The following TRAK1 variants were observed in gnomAD, a reference collection of about 807,000 sequenced individuals.
TRAK1 encodes the protein trafficking kinesin-binding protein 1.
TRAK1 carries 33 observed loss-of-function variants against 92.1 expected under a neutral mutation model. The ratio of observed to expected loss-of-function variants is 0.36; its 90% CI spans 0.27 to 0.48. The LOEUF is 0.48. Ranked by LOEUF, TRAK1 falls within the 20% of genes least tolerant of loss-of-function variation. The pLI, the probability that TRAK1 is intolerant of heterozygous loss-of-function variation, is 0.99. For synonymous variants in TRAK1, 521 were observed against 517.3 expected (o/e 1.01, Z -0.10); for missense variants, 1,123 against 1,257.9 (o/e 0.89, Z 1.62).
At chr3:42,111,482 G>A (rs1358754303) in intron 1 of TRAK1, among the ~76,000 whole-genome samples, 3 of 151,438 alleles carry the variant, frequency 2.0e-5, no homozygotes, top group Admixed American at 6.6e-5. Flanking sequence ...TGCAAGCTCC[G>A]CCTCCCGGGT....
chr3:42,128,141 T>G (rs531368667), intron 2 of TRAK1, among the ~76,000 whole-genome samples: 1 of 152,288 alleles, frequency 6.6e-6, no homozygotes, highest in Non-Finnish European at 1.5e-5. Context: ...ATCGTGCCAT[T>G]GTACTCCAGC....
At chr3:42,104,551 T>A (rs1307264483) in intron 1 of TRAK1, among the ~76,000 whole-genome samples, 1 of 152,222 alleles carries the variant, frequency 6.6e-6, no homozygotes, top group African/African-American at 2.4e-5. Context: ...TTTGCTATTC[T>A]GCAGCCTCCG....
At chr3:42,220,473 C>A (rs1378698761) in intron 15 of TRAK1, 17 of 985,242 alleles carry the variant, frequency 1.7e-5, no homozygotes, top group Non-Finnish European at 2.0e-5. Flanking sequence ...CAGGGAGCAC[C>A]TTAAACTATG....
chr3:42,166,289 C>T (rs1208277632), intron 2 of TRAK1, among the ~76,000 whole-genome samples: 2 of 152,008 alleles, frequency 1.3e-5, no homozygotes, highest in African/African-American at 2.4e-5. Context: ...TGGATGTAAA[C>T]GTTAAAGGAG....
In TRAK1 at chr3:42,193,882, G is replaced by A. The variant is rs1052288441; in HGVS notation, c.959G>A (p.Arg320Gln). 9 of 1,614,022 alleles carry A rather than the reference G, an allele frequency of 5.6e-6. No individual in the cohort carries two copies. Among genetic ancestry groups the A allele is most frequent in the South Asian group, 4.4e-5 (4 of 91,082 alleles). The change falls in exon 9 of 16, where the codon CGG (arginine) becomes CAG (glutamine). Residue 320 changes from arginine (R) to glutamine (Q), a missense_variant. Arg to Gln is a conservative substitution (Grantham distance 43). Transcript: ENST00000327628. ...QHLGAAKDAQ[R>Q]QLTAELRELE... ...CTGGGGGCTGCTAAGGATGCCCAGC[G>A]GCAGCTCACAGCCGAGGTGAGCACC...
intron 1 of TRAK1, among the ~76,000 whole-genome samples, chr3:42,038,803 GTTTTTTTT>G (rs35147167): frequency 4.7e-4 from 45 of 96,764 alleles, no homozygotes; most frequent in Admixed American, 7.7e-4. Flanking sequence ...AAAAAAAAAA[GTTTTTTTT>G]TTTTTTTTTT....
chr3:42,126,972 G>A (rs1030517040), intron 2 of TRAK1, among the ~76,000 whole-genome samples: 1 of 152,140 alleles, frequency 6.6e-6, no homozygotes, highest in African/African-American at 2.4e-5. Flanking sequence ...CCACACCAGG[G>A]TAGATATGAA....
chr3:42,222,483 A>G (rs1710453862), intron 15 of TRAK1, among the ~76,000 whole-genome samples: 1 of 152,148 alleles, frequency 6.6e-6, no homozygotes. Context: ...GTCCTGGTTC[A>G]CGTCTTGCTT....
intron 1 of TRAK1, among the ~76,000 whole-genome samples, chr3:42,020,386 T>C: frequency 6.6e-6 from 1 of 152,268 alleles, no homozygotes; most frequent in Non-Finnish European, 1.5e-5. Context: ...TTGGGCTTCA[T>C]GTAAATTGAG....
At position 42,079,473 on chromosome 3, in the gene TRAK1, TC is replaced by T. The variant is rs1250388852; in HGVS notation, c.-518-7630del. On this transcript the variant is annotated intron_variant, in intron 1 of 16. Coordinates refer to the TRAK1 transcript ENST00000487159. ...TGAGTTTGTCGTGAAGGAAGCTCCTTCTTCTTTTTTTTTTTTTTTTGTTTTG... is the reference window on the plus strand; with the variant it reads ...TGAGTTTGTCGTGAAGGAAGCTCCTTTTCTTTTTTTTTTTTTTTTGTTTTG... 3.1e-5 allele frequency among the ~76,000 whole-genome samples: 3 copies of T among 95,352 alleles called. No individual in the cohort carries two copies. In the Admixed American group the frequency reaches 3.7e-4, roughly 12 times the overall value. 62.6% of individuals were successfully genotyped at this position (95,352 alleles called of 152,430 possible).
chr3:42,183,553 T>TAAAA (rs11293523), intron 3 of TRAK1, among the ~76,000 whole-genome samples: 3 of 117,348 alleles, frequency 2.6e-5, no homozygotes, highest in Admixed American at 8.8e-5. Context: ...AGACTCTGTC[T>TAAAA]AAAAAAAAAA....
rs368350364 is a variant in TRAK1, at chr3:42,143,767, G to T, written c.286+18153G>T. 4.3e-4 allele frequency among the ~76,000 whole-genome samples: 65 copies of T among 152,300 alleles called. No individual in the cohort carries two copies. The South Asian group carries it at 0.013, about 30-fold the overall frequency. The stretch of plus-strand genomic sequence containing the variant: ...AGTAAACCTGGGCCGAGGGAGGGCT[G>T]TAACCCTCAGGAGTGTTGGGACTCT... On this transcript the variant is annotated intron_variant, in intron 2 of 15. Coordinates refer to ENST00000327628, the MANE Select transcript of TRAK1 (RefSeq NM_001042646.3).
intron 1 of TRAK1, among the ~76,000 whole-genome samples, chr3:42,074,316 A>G (rs996417521): frequency 9.2e-5 from 14 of 152,230 alleles, no homozygotes; most frequent in African/African-American, 3.1e-4. Context: ...TTTTACAATT[A>G]CAAGAGTGCT....
intron 10 of TRAK1, among the ~76,000 whole-genome samples, chr3:42,198,199 T>C (rs1175746234): frequency 6.6e-6 from 1 of 152,172 alleles, no homozygotes; most frequent in Non-Finnish European, 1.5e-5. Flanking sequence ...TGTGTTAGGC[T>C]CCACCTCCTA....
chr3:42,093,123 A>G (rs778865485), intron 1 of TRAK1, among the ~76,000 whole-genome samples: 2 of 152,236 alleles, frequency 1.3e-5, no homozygotes, highest in Admixed American at 6.5e-5. Context: ...ACAGTGAAAT[A>G]TATATCCCTT....
chr3:42,160,130 T>G, intron 2 of TRAK1: 4 of 656,948 alleles, frequency 6.1e-6, no homozygotes, highest in Non-Finnish European at 7.7e-6. Context: ...CCGCCCCTCC[T>G]CCAGGCTCAT....
At chr3:42,211,281 T>A in intron 14 of TRAK1, 1 of 985,426 alleles carries the variant, frequency 1.0e-6, no homozygotes, top group Non-Finnish European at 1.2e-6. Flanking sequence ...TTACTTGGGA[T>A]CAACTTTTCC....
chr3:42,030,631 C>T (rs1702095409), intron 1 of TRAK1, among the ~76,000 whole-genome samples: 1 of 135,684 alleles, frequency 7.4e-6, no homozygotes. Flanking sequence ...CAAGATTGCA[C>T]CACTGCACTG....
At chr3:42,032,748 A>G (rs555894855) in intron 1 of TRAK1, among the ~76,000 whole-genome samples, 5 of 152,250 alleles carry the variant, frequency 3.3e-5, no homozygotes, top group East Asian at 1.9e-4. Context: ...TAATGAAACT[A>G]TGTTGCCATT....
Sources: allele counts gnomAD v4.1 joint callset (sites outside exome capture counted in the v4.1 genomes callset), GRCh38; gene constraint gnomAD v4.1.1; transcripts MANE v1.5; gene names NCBI Gene and HGNC (gene_info 2026-07-23, HGNC 2026-07-21).